Variants in CATSPER2 observed in about 807,000 individuals in gnomAD.
CATSPER2 encodes the protein cation channel sperm-associated protein 2.
CATSPER2 carries 56 observed loss-of-function variants against 68.8 expected under a neutral mutation model. The ratio of observed to expected loss-of-function variants is 0.81; its 90% confidence interval spans 0.66 to 1.02. The LOEUF is 1.02. Among genes scored for constraint, CATSPER2 ranks in the 50% least tolerant of loss-of-function variants. The pLI, the probability that CATSPER2 is intolerant of heterozygous loss-of-function variation, is 0.00. For missense variants in CATSPER2, 582 were observed against 642.0 expected (o/e 0.91, Z 1.01); for synonymous variants, 198 against 229.9 (o/e 0.86, Z 1.26).
rs528441568 is a variant in CATSPER2 at position 43,630,147 on chromosome 15, G to T, written c.*554C>A. 8.6e-5 allele frequency: 14 copies of T among 163,616 alleles called. No homozygotes were observed. The East Asian group carries it at 1.6e-3, about 19-fold the overall frequency. 10.1% of individuals were successfully genotyped at this position (163,616 alleles called of 1,614,324 possible). ...TTGTTTTGTTCTTTTTTAGAGATAG[G>T]GTCTCGCTATGTTGCCCAGGCTGGA... On this transcript the variant is annotated 3_prime_UTR_variant, in exon 13 of 13. Coordinates refer to ENST00000396879, the MANE Select transcript of CATSPER2 (RefSeq NM_172095.4).
chr15:43,635,268 T>C, intron 10 of CATSPER2, 92 bp downstream of exon 10: 1 of 1,153,690 alleles, frequency 8.7e-7, no homozygotes, highest in Non-Finnish European at 1.3e-6. Flanking sequence ...ATTAAATGAA[T>C]GAATTATCTC....
intron 2 of CATSPER2, 147 bp from the exon 3 acceptor site, chr15:43,647,614 T>C: frequency 2.4e-6 from 2 of 825,590 alleles, no homozygotes; most frequent in South Asian, 2.8e-5. Context: ...AGAATTCTGT[T>C]TGGAGTGAGA....
chr15:43,639,227 C>T (rs1415514370), intron 6 of CATSPER2, among the ~76,000 whole-genome samples, 199 bp from the exon 7 acceptor site: 1 of 151,190 alleles, frequency 6.6e-6, no homozygotes, highest in Non-Finnish European at 1.5e-5. Context: ...CCTTCTTTGA[C>T]CCACCCAGAT....
Position 43,648,804 on chromosome 15 carries a change from G to A in CATSPER2, c.-178C>T. 2 of 1,531,146 alleles carry A rather than the reference G, an allele frequency of 1.3e-6. No homozygotes were observed. The highest frequency in any genetic ancestry group is 1.2e-5 in the South Asian group (1 of 83,450). 94.8% of individuals were successfully genotyped at this position (1,531,146 alleles called of 1,614,324 possible). ...AGGTTTCGGCTCACCCCGGGACCCG[G>A]CCCTAGCCCCTACCCACAGCCCAGG... On this transcript the variant is annotated 5_prime_UTR_variant, in exon 1 of 13. Transcript: ENST00000396879.
rs2086034603 is a variant in CATSPER2 at position 43,639,535 on chromosome 15, G to T, written c.717+108C>A. On this transcript the variant is annotated intron_variant, in intron 6 of 12. Coordinates refer to ENST00000396879, the MANE Select transcript of CATSPER2 (RefSeq NM_172095.4). The stretch of plus-strand genomic sequence containing the variant: ...CCCCCTCGGCTTCCCAAAGTGCTGG[G>T]ATTACAGGCGTGAGCCACCGCACCC... The T allele has an allele frequency of 9.5e-6, 15 of 1,585,104 alleles. No homozygotes were observed. The South Asian group carries it at 1.6e-4, about 16-fold the overall frequency.
At chr15:43,645,704 G>A (rs113220449) in intron 4 of CATSPER2, among the ~76,000 whole-genome samples, 2,790 of 151,702 alleles carry the variant, frequency 0.018, 83 homozygotes, top group African/African-American at 0.063. Flanking sequence ...GAGGTGGGAG[G>A]ATCAACTGAG....
intron 12 of CATSPER2, chr15:43,631,288 T>C (rs2085866321): frequency 5.5e-6 from 1 of 182,568 alleles, no homozygotes; most frequent in African/African-American, 2.4e-5. Flanking sequence ...TGGAGTTCAG[T>C]GGCGTGATCT....
rs375493749 is a variant in CATSPER2 at position 43,635,794 on chromosome 15, T to G, written c.1054A>C (p.Asn352His). The G allele has an allele frequency of 1.9e-5, 31 of 1,613,392 alleles. No homozygotes were observed. Among genetic ancestry groups the G allele is most frequent in the Admixed American group, 3.3e-5 (2 of 59,962 alleles). Reference protein sequence around the residue: ...TNFQNIRKELNEEMARREVQL... With the variant: ...TNFQNIRKELHEEMARREVQL... ...ACCTCCCGACGCGCCATCTCCTCAT[T>G]CAGCTCTTTCCTGATATTCTGAAAG... is the stretch of plus-strand genomic sequence containing the variant. The change falls in exon 9 of 13, where the codon AAT (asparagine) becomes CAT (histidine). Residue 352 changes from asparagine to histidine, a missense_variant. Transcript: ENST00000396879.
Position 43,630,683 on chromosome 15 carries a change from T to C in CATSPER2, c.*18A>G, listed in dbSNP as rs2085856368. 1.1e-5 allele frequency: 17 copies of C among 1,611,028 alleles called. No homozygotes were observed. The highest frequency in any genetic ancestry group is 2.2e-4 in the Middle Eastern group (1 of 4,604). On this transcript the variant is annotated 3_prime_UTR_variant, in exon 13 of 13. Transcript: ENST00000396879. ...TTATCTTTTGCTGGGCCCAAGGATA[T>C]TGAAGCCATCCATTGCTTTACTTGT... is the stretch of plus-strand genomic sequence containing the variant.
At position 43,632,307 on chromosome 15, in the gene CATSPER2, C is replaced by A. The variant is rs2085888041; in HGVS notation, c.1453G>T (p.Asp485Tyr). The change falls in exon 12 of 13, where the codon GAT becomes TAT. Residue 485 changes from aspartate (D) to tyrosine (Y), a missense_variant. Around this residue, in one of 5 missense-constraint regions of CATSPER2, gnomAD observed 235 missense variants for 264.2 expected, o/e 0.89. Transcript: ENST00000396879. ...CTGGGCCAAACACGGTCATCCTGAT[C>A]CATTTCCATTAGCCCGGGCAGATTT... ...HENLPGLMEM[D>Y]QDDRVWPRDS... is the part of the protein sequence containing the mutation. 1 of 1,613,662 alleles carries A rather than the reference C, an allele frequency of 6.2e-7. No homozygotes were observed. Among genetic ancestry groups the A allele is most frequent in the Non-Finnish European group, 8.5e-7 (1 of 1,179,850 alleles).
chr15:43,643,977 A>G (rs1401803408), intron 4 of CATSPER2, among the ~76,000 whole-genome samples: 6 of 151,648 alleles, frequency 4.0e-5, no homozygotes, highest in African/African-American at 1.5e-4. Flanking sequence ...GCCTCCCAAT[A>G]TACTCAGTTT....
Position 43,648,010 on chromosome 15 carries a change from T to C in CATSPER2, c.52A>G (p.Ile18Val), listed in dbSNP as rs755343251. 1.1e-5 allele frequency: 17 copies of C among 1,613,546 alleles called. No homozygotes were observed. Among genetic ancestry groups the C allele is most frequent in the African/African-American group, 1.3e-5 (1 of 74,834 alleles). Residue 18 changes from isoleucine to valine, a missense_variant, in exon 2 of 13, where the codon ATT becomes GTT. This residue lies in a region of CATSPER2 where 197 missense variants were observed against 191.0 expected (regional missense o/e 1.03). Transcript: ENST00000396879. ...AAAGTATCGATGAGACGTGAACGAATGGCATCAGCTCGGGGAAGCTGCATC... is the reference window on the plus strand; with the variant it reads ...AAAGTATCGATGAGACGTGAACGAACGGCATCAGCTCGGGGAAGCTGCATC... The part of the protein sequence containing the change: ...EQMQLPRADA[I>V]RSRLIDTFSL...
Position 43,630,658 on chromosome 15 carries a change from T to C in CATSPER2, c.*43A>G, listed in dbSNP as rs532276553. The C allele has an allele frequency of 7.5e-6, 12 of 1,609,676 alleles. No individual in the cohort carries two copies. Among genetic ancestry groups the C allele is most frequent in the Middle Eastern group, 2.2e-4 (1 of 4,486 alleles). On this transcript the variant is annotated 3_prime_UTR_variant, in exon 13 of 13. Coordinates refer to ENST00000396879, the MANE Select transcript of CATSPER2 (RefSeq NM_172095.4). ...TCTCTATTTCCAACAATTCCCTTCA[T>C]TATCTTTTGCTGGGCCCAAGGATAT... is the stretch of plus-strand genomic sequence containing the variant.
intron 4 of CATSPER2, among the ~76,000 whole-genome samples, chr15:43,641,248 C>G (rs188030284): frequency 6.6e-6 from 1 of 151,518 alleles, no homozygotes; most frequent in South Asian, 2.1e-4. Flanking sequence ...TTCCGAGTAG[C>G]TGGGATTACA....
chr15:43,638,286 C>CTTTTTTTTTTTTTTTTT (rs71460446), intron 7 of CATSPER2, among the ~76,000 whole-genome samples: 4 of 81,836 alleles, frequency 4.9e-5, no homozygotes, highest in South Asian at 4.2e-4. Flanking sequence ...TTCTTTCTTT[C>CTTTTTTTTTTTTTTTTT]TTTTTTTTTT....
At chr15:43,643,930 C>A (rs2086115675) in intron 4 of CATSPER2, among the ~76,000 whole-genome samples, 1 of 151,698 alleles carries the variant, frequency 6.6e-6, no homozygotes, top group South Asian at 2.1e-4. Context: ...CTCACTGCTG[C>A]CTCAATCTCC....
intron 2 of CATSPER2, 130 bp downstream of exon 2, chr15:43,647,787 A>C (rs2086197769): frequency 9.4e-7 from 1 of 1,063,402 alleles, no homozygotes; most frequent in African/African-American, 1.6e-5. Flanking sequence ...CTTCAGTTTT[A>C]TTTACAAGCC....
At position 43,638,935 on chromosome 15, in the gene CATSPER2, G is replaced by C. The variant is rs774680387; in HGVS notation, c.811C>G (p.Arg271Gly). The stretch of plus-strand genomic sequence containing the variant: ...AACACATGGTACTCCAGGTCCTGAC[G>C]AGGTGAACGGGTGTACTCTGAGAAG... ...YVFSEYTRSP[R>G]QDLEYHVFFS... Residue 271 changes from arginine (R) to glycine (G), a missense_variant, in exon 7 of 13, where the codon CGT (arginine) becomes GGT (glycine). Arg to Gly is a moderately radical substitution (Grantham distance 125). This residue lies in a region of CATSPER2 where 91 missense variants were observed against 72.8 expected (regional missense o/e 1.25). Coordinates refer to ENST00000396879, the MANE Select transcript of CATSPER2 (RefSeq NM_172095.4). 2 of 1,612,948 alleles carry C rather than the reference G, an allele frequency of 1.2e-6. No individual in the cohort carries two copies. The highest frequency in any genetic ancestry group is 1.3e-5 in the African/African-American group (1 of 74,776).
intron 8 of CATSPER2, 96 bp downstream of exon 8, chr15:43,635,945 T>C (rs1429568626): frequency 1.7e-6 from 2 of 1,203,508 alleles, no homozygotes; most frequent in East Asian, 2.5e-5. Context: ...CCTGCTACAC[T>C]AGGTTCTTTA....
Sources: gnomAD v4.1 joint callset for allele counts (sites outside exome capture counted in the v4.1 genomes callset) on GRCh38, gnomAD v4.1.1 for gene constraint, gnomAD v4.1.1 regional missense constraint, MANE v1.5 for transcripts, NCBI Gene and HGNC (gene_info 2026-07-23, HGNC 2026-07-21) for gene names.